Variants in TBC1D5 observed in about 807,000 individuals in gnomAD.
The protein encoded by TBC1D5 is TBC1 domain family, member 5.
A neutral mutation model predicts 100.3 loss-of-function variants in TBC1D5; 75 were observed. The ratio of observed to expected loss-of-function variants is 0.75; its 90% CI spans 0.62 to 0.91. The LOEUF is 0.91. Ranked by LOEUF, TBC1D5 falls within the 40% of genes least tolerant of loss-of-function variation. The probability of loss-of-function intolerance (pLI) is 0.00; values close to 1 mark genes in which losing one functional copy is unlikely to be tolerated. For synonymous variants in TBC1D5, 323 were observed against 325.6 expected, an observed-to-expected ratio of 0.99 and a Z score of 0.09; for missense variants, 910 against 942.4, an observed-to-expected ratio of 0.97 and a Z score of 0.45.
At chr3:17,602,561 A>ATTTTTTT (rs33956978) in intron 2 of TBC1D5, among the ~76,000 whole-genome samples, 4 of 74,516 alleles carry the variant, frequency 5.4e-5, no homozygotes, top group South Asian at 4.7e-4. Context: ...AGAGAATCAG[A>ATTTTTTT]TTTTTTTTTT....
chr3:17,736,003 G>A (rs2076938992), intron 1 of TBC1D5, among the ~76,000 whole-genome samples: 1 of 152,184 alleles, frequency 6.6e-6, no homozygotes, highest in African/African-American at 2.4e-5. Context: ...CCCTCCCACT[G>A]TGCTCTCAGG....
intron 1 of TBC1D5, among the ~76,000 whole-genome samples, chr3:17,738,626 CG>C (rs1343529889): frequency 5.9e-5 from 9 of 152,124 alleles, no homozygotes; most frequent in Admixed American, 2.6e-4. Context: ...CTGGGATAAC[CG>C]TAAGTAATGA....
intron 18 of TBC1D5, among the ~76,000 whole-genome samples, chr3:17,207,905 T>G (rs2072440069): frequency 6.6e-6 from 1 of 152,226 alleles, no homozygotes; most frequent in African/African-American, 2.4e-5. Flanking sequence ...TGAACCACTT[T>G]AAAAGATAAA....
In TBC1D5 at chr3:17,161,229, C is replaced by T. The variant is rs1262632630; in HGVS notation, c.2122G>A (p.Asp708Asn). Residue 708 changes from aspartate to asparagine, a missense_variant, in exon 22 of 22, where the codon GAT (aspartate) becomes AAT (asparagine). Transcript: ENST00000253692. ...ATGAAGTCATCGGAATTCCCTCTATCAGTGCACCCTGGCGTTTCTGAAGAG... is the reference window on the plus strand; with the variant it reads ...ATGAAGTCATCGGAATTCCCTCTATTAGTGCACCCTGGCGTTTCTGAAGAG... 2.5e-6 allele frequency: 4 copies of T among 1,613,770 alleles called. No homozygotes were observed. In the South Asian group the frequency reaches 4.4e-5, roughly 18 times the overall value.
chr3:17,379,524 T>C (rs779090673), intron 9 of TBC1D5, among the ~76,000 whole-genome samples: 2 of 152,088 alleles, frequency 1.3e-5, no homozygotes, highest in African/African-American at 2.4e-5. Context: ...ATGCCTATAT[T>C]TGCTGTGGAC....
intron 16 of TBC1D5, among the ~76,000 whole-genome samples, chr3:17,246,901 G>T (rs1212826244): frequency 1.3e-5 from 2 of 152,210 alleles, no homozygotes; most frequent in Non-Finnish European, 2.9e-5. Context: ...ATTCCTGGGA[G>T]ATAACCTATA....
chr3:17,160,363 G>C (rs947846323), exon 22 of TBC1D5: 1 of 152,262 alleles, frequency 6.6e-6, no homozygotes, highest in African/African-American at 2.4e-5. Context: ...TGAGAGGTCA[G>C]TAATGAGGTT....
chr3:17,578,195 G>A (rs987597939), intron 2 of TBC1D5, among the ~76,000 whole-genome samples: 11 of 152,014 alleles, frequency 7.2e-5, no homozygotes, highest in Admixed American at 3.3e-4. Context: ...ATTAAGTACC[G>A]TTTTGTATCC....
chr3:17,241,287 G>A (rs1318152709), intron 16 of TBC1D5, among the ~76,000 whole-genome samples: 1 of 152,184 alleles, frequency 6.6e-6, no homozygotes, highest in African/African-American at 2.4e-5. Context: ...TGGCTGTGAT[G>A]TGTATGATTA....
At chr3:17,342,805 T>G (rs1330046412) in intron 13 of TBC1D5, among the ~76,000 whole-genome samples, 1 of 152,214 alleles carries the variant, frequency 6.6e-6, no homozygotes, top group Non-Finnish European at 1.5e-5. Flanking sequence ...ACGCATATTA[T>G]AATCTTTTTT....
rs764215892 is a variant in TBC1D5 at position 17,441,973 on chromosome 3, T to C, written c.98-13454A>G. 5.4e-4 allele frequency among the ~76,000 whole-genome samples: 81 copies of C among 150,082 alleles called. 1 individual carries two copies. The highest frequency in any genetic ancestry group is 3.4e-3 in the Middle Eastern group (1 of 294). On this transcript the variant is annotated intron_variant, in intron 3 of 21. Coordinates refer to ENST00000253692, the Ensembl canonical transcript of TBC1D5. ...TCCCACTGACAACAATTTAGTACTCTGGGCAAAATACAAAAAAACAAAAAC... is the reference window on the plus strand; with the variant it reads ...TCCCACTGACAACAATTTAGTACTCCGGGCAAAATACAAAAAAACAAAAAC...
chr3:17,614,081 T>A (rs1459106192), intron 2 of TBC1D5, among the ~76,000 whole-genome samples: 1 of 152,244 alleles, frequency 6.6e-6, no homozygotes, highest in East Asian at 1.9e-4. Flanking sequence ...AAGGAAGGGA[T>A]CCAGTTTCAG....
intron 1 of TBC1D5, among the ~76,000 whole-genome samples, chr3:17,637,817 T>C (rs1174728495): frequency 6.6e-6 from 1 of 152,158 alleles, no homozygotes; most frequent in African/African-American, 2.4e-5. Flanking sequence ...AATTTAGAAA[T>C]ATGATTTAAA....
chr3:17,410,454 G>C (rs1252397087), intron 4 of TBC1D5, among the ~76,000 whole-genome samples: 1 of 152,090 alleles, frequency 6.6e-6, no homozygotes, highest in Non-Finnish European at 1.5e-5. Context: ...CTAATTTCAA[G>C]TTTTATTATT....
intron 2 of TBC1D5, among the ~76,000 whole-genome samples, chr3:17,582,683 C>CA (rs141006663): frequency 0.034 from 2,794 of 82,010 alleles, 43 homozygotes; most frequent in African/African-American, 0.053. Context: ...AGTATGCTAT[C>CA]AAAAAAAAAA....
At chr3:17,535,549 C>T (rs529969791) in intron 2 of TBC1D5, among the ~76,000 whole-genome samples, 39 of 152,166 alleles carry the variant, frequency 2.6e-4, no homozygotes, top group African/African-American at 9.2e-4. Flanking sequence ...CTCTGGTTTT[C>T]AGAGGTTTCT....
chr3:17,499,199 G>T (rs952765955), intron 3 of TBC1D5, among the ~76,000 whole-genome samples: 2 of 152,148 alleles, frequency 1.3e-5, no homozygotes, highest in Admixed American at 6.6e-5. Flanking sequence ...TTTTTTAAAT[G>T]GCTAATGCTA....
chr3:17,345,348 T>A (rs902285062), intron 13 of TBC1D5, among the ~76,000 whole-genome samples: 22 of 152,068 alleles, frequency 1.4e-4, no homozygotes, highest in African/African-American at 4.8e-4. Context: ...ATCAGAGAAA[T>A]GCAAATTAAA....
At chr3:17,561,468 G>A (rs1208528282) in intron 2 of TBC1D5, among the ~76,000 whole-genome samples, 1 of 152,048 alleles carries the variant, frequency 6.6e-6, no homozygotes, top group Admixed American at 6.6e-5. Context: ...AAATAAATTA[G>A]CAGACAGAGA....
Sources: gnomAD v4.1 joint callset for allele counts (sites outside exome capture counted in the v4.1 genomes callset) on GRCh38, gnomAD v4.1.1 for gene constraint, MANE v1.5 for transcripts, NCBI Gene and HGNC (gene_info 2026-07-23, HGNC 2026-07-21) for gene names.